The following ARL15 variants were observed in gnomAD, a reference collection of about 807,000 sequenced individuals.
ARL15 encodes the protein ADP-ribosylation factor-like protein 15.
In ARL15, 19 loss-of-function variants were observed where a neutral mutation model predicts 25.2. The observed-to-expected ratio is 0.75, with a 90% CI of 0.53 to 1.10. The LOEUF (loss-of-function observed/expected upper bound fraction) is 1.10. Among genes scored for constraint, ARL15 ranks in the 50% least tolerant of loss-of-function variants. The pLI, the probability that ARL15 is intolerant of heterozygous loss-of-function variation, is 0.00. For missense variants in ARL15, 220 were observed against 246.0 expected (o/e 0.89, Z 0.71); for synonymous variants, 94 against 86.8 (o/e 1.08, Z -0.46).
intron 4 of ARL15, among the ~76,000 whole-genome samples, chr5:53,996,621 A>T (rs1748682771): frequency 1.6e-5 from 1 of 64,006 alleles, no homozygotes; most frequent in African/African-American, 5.9e-5. Context: ...TGTCTCATAA[A>T]AAAAAAAAAA....
At chr5:54,009,650 T>C (rs922374414) in intron 4 of ARL15, among the ~76,000 whole-genome samples, 3 of 152,178 alleles carry the variant, frequency 2.0e-5, no homozygotes, top group Admixed American at 1.3e-4. Flanking sequence ...AAACATGCAG[T>C]TGACTTTTTC....
chr5:54,064,798 C>T (rs1053778625), intron 4 of ARL15, among the ~76,000 whole-genome samples: 6 of 151,180 alleles, frequency 4.0e-5, no homozygotes. Context: ...CCTCAGGTAA[C>T]AGGGGTTTGA....
At chr5:53,918,031 A>G (rs1487153803) in intron 4 of ARL15, among the ~76,000 whole-genome samples, 3 of 152,230 alleles carry the variant, frequency 2.0e-5, no homozygotes. Context: ...TGCAATAAGA[A>G]CATATGGCCA....
intron 4 of ARL15, among the ~76,000 whole-genome samples, chr5:53,942,441 G>A (rs1188263339): frequency 1.3e-5 from 2 of 152,086 alleles, no homozygotes; most frequent in African/African-American, 2.4e-5. Flanking sequence ...AGGCATCATT[G>A]GTGTATTTAA....
chr5:54,114,142 A>C (rs958379174), intron 3 of ARL15, among the ~76,000 whole-genome samples: 4 of 152,090 alleles, frequency 2.6e-5, no homozygotes, highest in Non-Finnish European at 4.4e-5. Flanking sequence ...TCACACCTGT[A>C]ATCTCAGTAC....
intron 1 of ARL15, among the ~76,000 whole-genome samples, chr5:54,237,852 T>C (rs1375202350): frequency 1.3e-5 from 2 of 152,172 alleles, no homozygotes; most frequent in African/African-American, 2.4e-5. Flanking sequence ...GGGAAACAGA[T>C]GGATGACTCA....
intron 4 of ARL15, among the ~76,000 whole-genome samples, chr5:54,060,410 G>C (rs964879350): frequency 1.3e-5 from 2 of 152,164 alleles, no homozygotes; most frequent in Non-Finnish European, 2.9e-5. Flanking sequence ...GCAGCAGCCT[G>C]GGCTACAGAG....
chr5:54,006,051 CAAAA>C (rs56094450), intron 4 of ARL15, among the ~76,000 whole-genome samples: 1 of 57,566 alleles, frequency 1.7e-5, no homozygotes, highest in African/African-American at 7.1e-5. Flanking sequence ...ATTACATCTC[CAAAA>C]AAAAAAAAAA....
intron 4 of ARL15, among the ~76,000 whole-genome samples, chr5:54,034,109 G>A (rs551060444): frequency 2.6e-5 from 4 of 152,234 alleles, no homozygotes; most frequent in Admixed American, 1.3e-4. Flanking sequence ...CACCACGCCC[G>A]GCACAAGGTC....
chr5:54,307,584 A>G (rs556099875), intron 1 of ARL15, among the ~76,000 whole-genome samples: 1 of 152,322 alleles, frequency 6.6e-6, no homozygotes, highest in African/African-American at 2.4e-5. Flanking sequence ...TAAGAAATCA[A>G]CAGCGACCCG....
chr5:54,003,662 T>TTCCATCTA (rs1158224598), intron 4 of ARL15, among the ~76,000 whole-genome samples: 2 of 138,430 alleles, frequency 1.4e-5, no homozygotes, highest in South Asian at 4.7e-4. Flanking sequence ...AATATTTTCT[T>TTCCATCTA]TCTATCTATC....
At chr5:54,022,279 G>A (rs1037167083) in intron 4 of ARL15, among the ~76,000 whole-genome samples, 3 of 152,090 alleles carry the variant, frequency 2.0e-5, no homozygotes, top group African/African-American at 7.2e-5. Flanking sequence ...ATGGTGCTTT[G>A]GCATGCTGAG....
intron 1 of ARL15, among the ~76,000 whole-genome samples, chr5:54,228,494 A>G (rs1226538515): frequency 3.3e-5 from 2 of 60,680 alleles, no homozygotes; most frequent in East Asian, 9.7e-4. Context: ...TGACCCCCCC[A>G]CCCCCACCCA....
At chr5:54,221,296 T>C (rs575438343) in intron 1 of ARL15, among the ~76,000 whole-genome samples, 1 of 152,290 alleles carries the variant, frequency 6.6e-6, no homozygotes, top group South Asian at 2.1e-4. Context: ...AATAGGGGTT[T>C]TACACAGGGG....
At chr5:53,979,930 C>G (rs1748067879) in intron 4 of ARL15, among the ~76,000 whole-genome samples, 1 of 151,840 alleles carries the variant, frequency 6.6e-6, no homozygotes, top group South Asian at 2.1e-4. Flanking sequence ...GTCTCAAACT[C>G]TTGGCCTCAA....
At chr5:54,190,687 C>T (rs1282291976) in intron 1 of ARL15, among the ~76,000 whole-genome samples, 1 of 152,146 alleles carries the variant, frequency 6.6e-6, no homozygotes, top group Non-Finnish European at 1.5e-5. Context: ...GACTTAATAA[C>T]CTCCTGAAGG....
chr5:53,907,484 ATATATTTTTTTTT>A (rs1344425343), intron 4 of ARL15, among the ~76,000 whole-genome samples: 5 of 26,386 alleles, frequency 1.9e-4, no homozygotes, highest in East Asian at 1.9e-3. Flanking sequence ...ATATATATAT[ATATATTTTTTTTT>A]TTTTTTTTTT....
At chr5:54,126,554 C>T (rs1459897163) in intron 3 of ARL15, among the ~76,000 whole-genome samples, 3 of 152,198 alleles carry the variant, frequency 2.0e-5, no homozygotes, top group Non-Finnish European at 4.4e-5. Context: ...AATGTGTCCC[C>T]CAAAAAGCAT....
intron 4 of ARL15, among the ~76,000 whole-genome samples, chr5:53,916,060 T>C (rs912473354): frequency 2.0e-4 from 31 of 152,200 alleles, no homozygotes; most frequent in South Asian, 1.0e-3. Flanking sequence ...GCACACACTA[T>C]TGCACCTGGC....
Sources: gnomAD v4.1 joint callset for allele counts (sites outside exome capture counted in the v4.1 genomes callset) on GRCh38, gnomAD v4.1.1 for gene constraint, MANE v1.5 for transcripts, NCBI Gene and HGNC (gene_info 2026-07-23, HGNC 2026-07-21) for gene names.